The following VAMP7 variants were observed in gnomAD, a reference collection of about 807,000 sequenced individuals.
VAMP7 encodes vesicle associated membrane protein 7.
Under a neutral mutation model 29.6 loss-of-function variants are expected in VAMP7, and 14 were observed. That is an observed-to-expected ratio of 0.47 (90% confidence interval 0.31 to 0.74). The LOEUF (loss-of-function observed/expected upper bound fraction) is 0.74, where lower values mean the gene tolerates loss of function less well. Among genes scored for constraint, VAMP7 ranks in the 30% least tolerant of loss-of-function variants. The pLI, the probability that VAMP7 is intolerant of heterozygous loss-of-function variation, is 0.05. For missense variants in VAMP7, 223 were observed against 262.4 expected, an observed-to-expected ratio of 0.85 and a Z score of 1.04; for synonymous variants, 95 against 88.1, an observed-to-expected ratio of 1.08 and a Z score of -0.44.
chrX:155,887,937 CAAAA>C (rs771113450), intron 1 of VAMP7, among the ~76,000 whole-genome samples: 1 of 98,642 alleles, frequency 1.0e-5, no homozygotes, highest in African/African-American at 4.4e-5. Context: ...GACCCTGTCT[CAAAA>C]AAAAAAAAAA....
intron 5 of VAMP7, among the ~76,000 whole-genome samples, chrX:155,916,509 A>C (rs190807853): frequency 1.3e-5 from 2 of 152,022 alleles, no homozygotes; most frequent in Non-Finnish European, 2.9e-5. Context: ...TTTCCTTTCC[A>C]TATTTAGTGC....
intron 5 of VAMP7, among the ~76,000 whole-genome samples, chrX:155,913,852 G>T (rs4893105): frequency 6.6e-6 from 1 of 151,944 alleles, no homozygotes; most frequent in Non-Finnish European, 1.5e-5. Context: ...TCTTGGCTAT[G>T]TGGGCTCTTT....
intron 1 of VAMP7, among the ~76,000 whole-genome samples, chrX:155,883,104 C>T (rs1466618248): frequency 6.6e-5 from 10 of 152,192 alleles, no homozygotes. Flanking sequence ...GTCCCTTCTT[C>T]CTTAACTTTA....
intron 1 of VAMP7, among the ~76,000 whole-genome samples, chrX:155,883,704 C>T (rs1351379689): frequency 6.9e-6 from 1 of 144,788 alleles, no homozygotes; most frequent in Non-Finnish European, 1.5e-5. Flanking sequence ...GGTAGAAACA[C>T]ATCTTTTTTT....
At chrX:155,883,784 C>T (rs1408003115) in intron 1 of VAMP7, among the ~76,000 whole-genome samples, 1 of 149,658 alleles carries the variant, frequency 6.7e-6, no homozygotes, top group Non-Finnish European at 1.5e-5. Flanking sequence ...GATCTCGGCT[C>T]ACTGCAACCT....
chrX:155,898,075 C>T lies in VAMP7; in HGVS notation c.205-37C>T, dbSNP rs1257066729. 3 of 1,597,772 alleles carry T rather than the reference C, an allele frequency of 1.9e-6. No individual in the cohort carries two copies. The South Asian group carries it at 3.4e-5, about 18-fold the overall frequency. On this transcript the variant is annotated intron_variant, in intron 3 of 7. Coordinates refer to ENST00000286448, the MANE Select transcript of VAMP7 (RefSeq NM_005638.6). ...TAATCACTCACATCATCTTTGTTTACTTTCTAAATGTGAGTTCTGTGTTGA... is the reference window on the plus strand; with the variant it reads ...TAATCACTCACATCATCTTTGTTTATTTTCTAAATGTGAGTTCTGTGTTGA...
chrX:155,888,736 T>C (rs1447471000), intron 1 of VAMP7, among the ~76,000 whole-genome samples: 2 of 152,190 alleles, frequency 1.3e-5, no homozygotes, highest in African/African-American at 4.8e-5. Context: ...GTTTCTGTTA[T>C]GGATAATGCC....
chrX:155,934,710 G>C (rs2066620223), intron 6 of VAMP7, among the ~76,000 whole-genome samples: 1 of 152,020 alleles, frequency 6.6e-6, no homozygotes, highest in African/African-American at 2.4e-5. Flanking sequence ...ATTTAAGGTT[G>C]ATACTGTTAT....
chrX:155,930,784 A>G (rs2066540087), intron 6 of VAMP7, among the ~76,000 whole-genome samples: 2 of 151,988 alleles, frequency 1.3e-5, no homozygotes, highest in South Asian at 4.2e-4. Flanking sequence ...ATATGTAAAC[A>G]TGTGCCGTGT....
Position 155,941,873 on chromosome X carries a change from G to A in VAMP7, c.595-10G>A, listed in dbSNP as rs5940625. 4.2e-5 allele frequency: 67 copies of A among 1,611,618 alleles called. No homozygotes were observed. Among genetic ancestry groups the A allele is most frequent in the South Asian group, 2.6e-4 (24 of 90,876 alleles). On this transcript the variant is annotated splice_polypyrimidine_tract_variant and intron_variant, in intron 7 of 7. Coordinates refer to ENST00000286448, the MANE Select transcript of VAMP7 (RefSeq NM_005638.6). ...TCAAGAAAATAAAATTGCTCTCCTC[G>A]TCCCTCCAGGTGTTCATCTATATCA... is the stretch of plus-strand genomic sequence containing the variant.
chrX:155,937,262 G>A (rs1175211589), intron 6 of VAMP7, among the ~76,000 whole-genome samples: 5 of 152,114 alleles, frequency 3.3e-5, no homozygotes, highest in Non-Finnish European at 7.3e-5. Flanking sequence ...GTTGACAGTG[G>A]GTGGGAGACC....
intron 6 of VAMP7, among the ~76,000 whole-genome samples, chrX:155,938,867 G>T (rs1489023118): frequency 6.6e-6 from 1 of 152,060 alleles, no homozygotes; most frequent in African/African-American, 2.4e-5. Context: ...AGTTTCTATT[G>T]CTCAAAATGA....
intron 2 of VAMP7, among the ~76,000 whole-genome samples, chrX:155,894,782 A>C (rs2065966481): frequency 1.3e-5 from 2 of 151,646 alleles, no homozygotes. Flanking sequence ...CACCTGGCTA[A>C]TTTTTGTATT....
In VAMP7 at chrX:155,900,478, A is replaced by G; in HGVS notation, c.343-19A>G. 3 of 1,577,762 alleles carry G rather than the reference A, an allele frequency of 1.9e-6. No individual in the cohort carries two copies. The highest frequency in any genetic ancestry group is 2.6e-6 in the Non-Finnish European group (3 of 1,156,978). The stretch of plus-strand genomic sequence containing the variant: ...AAATAATGTCTAGGTACCATAAGTT[A>G]AAACTTATTTTCTTATAGAAGCATC... On this transcript the variant is annotated intron_variant, in intron 4 of 7. Coordinates refer to ENST00000286448, the MANE Select transcript of VAMP7 (RefSeq NM_005638.6).
chrX:155,908,503 C>T (rs1381904804), intron 5 of VAMP7, among the ~76,000 whole-genome samples: 3 of 151,882 alleles, frequency 2.0e-5, no homozygotes, highest in South Asian at 2.1e-4. Context: ...AGTCCAGCTT[C>T]GGCTGGGCAT....
rs1392474269 is a variant in VAMP7 at position 155,898,266 on chromosome X, G to A, written c.342+17G>A. ...GCACAGCTGGTAAGATCTTTCTCAG[G>A]ATAAGGTATTTTGATTTATATCTTC... On this transcript the variant is annotated intron_variant, in intron 4 of 7. Coordinates refer to ENST00000286448, the MANE Select transcript of VAMP7 (RefSeq NM_005638.6). The A allele has an allele frequency of 6.2e-7, 1 of 1,610,370 alleles. No individual in the cohort carries two copies. Among genetic ancestry groups the A allele is most frequent in the Non-Finnish European group, 8.5e-7 (1 of 1,178,538 alleles).
intron 6 of VAMP7, among the ~76,000 whole-genome samples, chrX:155,937,241 G>A (rs2066673899): frequency 6.6e-6 from 1 of 152,142 alleles, no homozygotes; most frequent in South Asian, 2.1e-4. Context: ...AAAGCAGAGA[G>A]TAAAACAGTG....
intron 5 of VAMP7, among the ~76,000 whole-genome samples, chrX:155,909,050 C>T (rs1362629745): frequency 7.9e-5 from 12 of 152,138 alleles, no homozygotes; most frequent in Admixed American, 5.2e-4. Flanking sequence ...TAGTCTCAAA[C>T]TCCTGGGCTC....
intron 5 of VAMP7, among the ~76,000 whole-genome samples, chrX:155,909,632 G>A (rs759453028): frequency 2.0e-3 from 304 of 152,188 alleles, no homozygotes; most frequent in African/African-American, 6.8e-3. Flanking sequence ...TTCCATAGAC[G>A]TAGTGACTTA....
Sources: allele counts gnomAD v4.1 joint callset (sites outside exome capture counted in the v4.1 genomes callset), GRCh38; gene constraint gnomAD v4.1.1; transcripts MANE v1.5; gene names NCBI Gene and HGNC (gene_info 2026-07-23, HGNC 2026-07-21).